The following GNAO1 variants were observed in gnomAD, a reference collection of about 807,000 sequenced individuals.
The protein encoded by GNAO1 is G protein subunit alpha o1.
For synonymous variants in GNAO1, 164 were observed against 180.7 expected (o/e 0.91, Z 0.74); for missense variants, 166 against 478.7 (o/e 0.35, Z 6.10).
chr16:56,289,033 A>T (rs60893469), intron 3 of GNAO1, among the ~76,000 whole-genome samples: 3 of 136,000 alleles, frequency 2.2e-5, no homozygotes, highest in Admixed American at 7.5e-5. Context: ...TATCCAAAAA[A>T]GGGGGGGGGA....
chr16:56,321,352 G>A (rs1482892397), intron 3 of GNAO1, among the ~76,000 whole-genome samples: 2 of 152,214 alleles, frequency 1.3e-5, no homozygotes, highest in Non-Finnish European at 2.9e-5. Context: ...GACATATTAT[G>A]ACTCAGGTGC....
intron 2 of GNAO1, among the ~76,000 whole-genome samples, chr16:56,260,548 G>T (rs184732003): frequency 6.6e-6 from 1 of 152,114 alleles, no homozygotes. Flanking sequence ...TACTGAGCCC[G>T]ACTCTGAGAG....
At chr16:56,217,919 G>A (rs1228277435) in intron 2 of GNAO1, among the ~76,000 whole-genome samples, 1 of 152,196 alleles carries the variant, frequency 6.6e-6, no homozygotes, top group Non-Finnish European at 1.5e-5. Context: ...CAAATTAACA[G>A]CAATGCATGG....
At chr16:56,278,679 A>G (rs2037086793) in intron 3 of GNAO1, among the ~76,000 whole-genome samples, 1 of 152,176 alleles carries the variant, frequency 6.6e-6, no homozygotes, top group African/African-American at 2.4e-5. Flanking sequence ...AATGTCAGAT[A>G]ATGCTAAGGG....
rs2037977443 is a variant in GNAO1, at chr16:56,357,130, C to A, written c.*1056C>A. The stretch of plus-strand genomic sequence containing the variant: ...AAAGCCGCCGTTTTCATGACCAATC[C>A]TATGTCATTTCTACTTTGACTAATA... On this transcript the variant is annotated 3_prime_UTR_variant, in exon 9 of 9. Coordinates refer to ENST00000262493, the MANE Select transcript of GNAO1 (RefSeq NM_020988.3). 1 of 152,390 alleles carries A rather than the reference C, an allele frequency of 6.6e-6. No individual in the cohort carries two copies. The highest frequency in any genetic ancestry group is 1.5e-5 in the Non-Finnish European group (1 of 68,012). 9.4% of individuals were successfully genotyped at this position (152,390 alleles called of 1,614,324 possible). A position where few individuals can be genotyped will look rare whatever the true frequency, so the allele number is the denominator to read the frequency against.
intron 2 of GNAO1, among the ~76,000 whole-genome samples, chr16:56,235,760 C>A (rs1376181474): frequency 1.3e-5 from 2 of 152,150 alleles, no homozygotes; most frequent in Non-Finnish European, 2.9e-5. Flanking sequence ...AGTGGCCCAG[C>A]CTTGTAGGTA....
chr16:56,291,585 C>T (rs1334794088), intron 3 of GNAO1, among the ~76,000 whole-genome samples: 8 of 152,188 alleles, frequency 5.3e-5, no homozygotes, highest in Non-Finnish European at 1.0e-4. Context: ...CCTTTGAAGT[C>T]TCACCTCATT....
chr16:56,221,742 A>G (rs759280075), intron 2 of GNAO1, among the ~76,000 whole-genome samples: 24 of 152,060 alleles, frequency 1.6e-4, no homozygotes, highest in Admixed American at 3.9e-4. Flanking sequence ...TAATTCTCCA[A>G]AGGAAGCTTG....
chr16:56,342,625 CAAG>C lies in GNAO1; in HGVS notation c.723+5769_723+5771del, dbSNP rs552117835. Among the ~76,000 whole-genome samples, 4 of 152,346 alleles carry C rather than the reference CAAG, an allele frequency of 2.6e-5. No individual in the cohort carries two copies. In the South Asian group the frequency reaches 8.3e-4, roughly 32 times the overall value. ...ATCCCCTGTGAGTGGACAGCAGAAA[CAAG>C]AAGTTTATAGGCTTCTTCTCCCATC... is the stretch of plus-strand genomic sequence containing the variant. On this transcript the variant is annotated intron_variant, in intron 6 of 8. Transcript: ENST00000262493.
chr16:56,273,807 C>T (rs1170491704), intron 2 of GNAO1, among the ~76,000 whole-genome samples: 1 of 152,220 alleles, frequency 6.6e-6, no homozygotes, highest in Non-Finnish European at 1.5e-5. Context: ...CTGAGTGCCC[C>T]AGGCGTTCAA....
intron 2 of GNAO1, among the ~76,000 whole-genome samples, chr16:56,265,879 G>A (rs1344928424): frequency 6.6e-6 from 1 of 152,010 alleles, no homozygotes; most frequent in East Asian, 1.9e-4. Context: ...CTGCTCCTCT[G>A]GCCTCATCCC....
At chr16:56,240,581 C>T (rs879888061) in intron 2 of GNAO1, among the ~76,000 whole-genome samples, 2 of 152,152 alleles carry the variant, frequency 1.3e-5, no homozygotes, top group Non-Finnish European at 2.9e-5. Context: ...GAACTTTTAT[C>T]TGAGCCTCAT....
chr16:56,261,343 A>T (rs1184836541), intron 2 of GNAO1, among the ~76,000 whole-genome samples: 2 of 152,198 alleles, frequency 1.3e-5, no homozygotes, highest in Admixed American at 1.3e-4. Flanking sequence ...GGCAACGCTT[A>T]GGAGGCTCTG....
intron 3 of GNAO1, chr16:56,302,845 T>A (rs1314893963): frequency 6.6e-6 from 1 of 152,262 alleles, no homozygotes; most frequent in Admixed American, 6.5e-5. Flanking sequence ...GACATTTCCC[T>A]TCTCTTACAT....
rs1286872063 is a variant in GNAO1, at chr16:56,259,268, T to C, written c.162-16663T>C. Among the ~76,000 whole-genome samples the C allele has an allele frequency of 2.0e-5, 3 of 152,326 alleles. No individual in the cohort carries two copies. In the East Asian group the frequency reaches 5.8e-4, roughly 29 times the overall value. ...AATGCCGCCTCCTTGTCAGGGAACG[T>C]GATCTGCACCAGTCAAAGAGGCAAA... On this transcript the variant is annotated intron_variant, in intron 2 of 8. Transcript: ENST00000262493.
At chr16:56,242,182 G>T (rs115465392) in intron 2 of GNAO1, among the ~76,000 whole-genome samples, 4 of 142,104 alleles carry the variant, frequency 2.8e-5, no homozygotes, top group African/African-American at 1.1e-4. Context: ...CAGTGGTAGT[G>T]GTAGTAATAA....
intron 2 of GNAO1, among the ~76,000 whole-genome samples, chr16:56,227,472 G>T: frequency 6.6e-6 from 1 of 152,076 alleles, no homozygotes. Context: ...ACTCTCTGCT[G>T]CTCCCTTCCT....
intron 6 of GNAO1, among the ~76,000 whole-genome samples, chr16:56,343,307 A>G (rs1225241420): frequency 1.3e-5 from 2 of 151,020 alleles, no homozygotes; most frequent in Non-Finnish European, 2.9e-5. Context: ...TGGCCAACAT[A>G]GTGAGATCCC....
intron 2 of GNAO1, among the ~76,000 whole-genome samples, chr16:56,199,323 G>A (rs767460586): frequency 1.3e-5 from 2 of 152,178 alleles, no homozygotes; most frequent in Non-Finnish European, 2.9e-5. Flanking sequence ...ATGCAGACAT[G>A]GTTCTTAAAC....
Sources: allele counts gnomAD v4.1 joint callset (sites outside exome capture counted in the v4.1 genomes callset), GRCh38; gene constraint gnomAD v4.1.1; transcripts MANE v1.5; gene names NCBI Gene and HGNC (gene_info 2026-07-23, HGNC 2026-07-21).